The following NTM variants were observed in gnomAD, a reference collection of about 807,000 sequenced individuals.
The protein encoded by NTM is neurotrimin, also known as IgLON family member 2.
In NTM, 13 loss-of-function variants were observed where a neutral mutation model predicts 42.1. That is an observed-to-expected ratio of 0.31 (90% confidence interval 0.20 to 0.49). The LOEUF is 0.49. NTM is among the 20% of genes least tolerant of loss of function. NTM has a pLI of 0.99. For missense variants in NTM, 373 were observed against 452.8 expected (o/e 0.82, Z 1.60); for synonymous variants, 187 against 179.2 (o/e 1.04, Z -0.35).
intron 1 of NTM, among the ~76,000 whole-genome samples, chr11:131,433,873 G>A (rs1948891590): frequency 6.6e-6 from 1 of 152,168 alleles, no homozygotes; most frequent in Non-Finnish European, 1.5e-5. Context: ...AGGTATACAC[G>A]TGCCATGTTG....
At chr11:131,925,809 A>G (rs1405732992) in intron 2 of NTM, among the ~76,000 whole-genome samples, 1 of 152,188 alleles carries the variant, frequency 6.6e-6, no homozygotes, top group Non-Finnish European at 1.5e-5. Context: ...TAGGAGACGT[A>G]CAAGGAATGG....
chr11:131,703,658 G>T (rs1233189493), intron 1 of NTM, among the ~76,000 whole-genome samples: 1 of 152,280 alleles, frequency 6.6e-6, no homozygotes, highest in East Asian at 1.9e-4. Flanking sequence ...CAGATGAGAG[G>T]CCACAGCACC....
chr11:132,125,129 G>A (rs1425819155), intron 2 of NTM, among the ~76,000 whole-genome samples: 8 of 152,202 alleles, frequency 5.3e-5, no homozygotes, highest in Non-Finnish European at 8.8e-5. Flanking sequence ...CCCAGCAAAC[G>A]CAAACGGATG....
At chr11:131,915,152 G>T (rs1429462866) in intron 2 of NTM, among the ~76,000 whole-genome samples, 1 of 152,296 alleles carries the variant, frequency 6.6e-6, no homozygotes, top group East Asian at 1.9e-4. Context: ...CCCGGTTAAG[G>T]CCTAGAGAGG....
At chr11:132,311,646 C>G (rs2095284115) in intron 6 of NTM, among the ~76,000 whole-genome samples, 1 of 151,962 alleles carries the variant, frequency 6.6e-6, no homozygotes, top group South Asian at 2.1e-4. Context: ...TGAACCAAAC[C>G]AAACAAAAAA....
intron 1 of NTM, among the ~76,000 whole-genome samples, chr11:131,763,360 C>T (rs538166336): frequency 1.3e-5 from 2 of 152,296 alleles, no homozygotes; most frequent in East Asian, 1.9e-4. Context: ...ATTCTCTACC[C>T]TGGCAAGAAC....
chr11:132,312,123 C>T (rs1258658391), intron 6 of NTM, among the ~76,000 whole-genome samples: 3 of 152,164 alleles, frequency 2.0e-5, no homozygotes, highest in Non-Finnish European at 4.4e-5. Context: ...GCACCCAGCT[C>T]AGCTGCAGCA....
intron 1 of NTM, among the ~76,000 whole-genome samples, chr11:131,599,912 G>T (rs781236640): frequency 6.6e-6 from 1 of 152,180 alleles, no homozygotes; most frequent in African/African-American, 2.4e-5. Context: ...TAGACCCTGC[G>T]GGTGACTCCC....
intron 2 of NTM, among the ~76,000 whole-genome samples, chr11:132,133,656 A>G (rs2067225813): frequency 1.3e-5 from 2 of 152,250 alleles, no homozygotes; most frequent in Middle Eastern, 3.4e-3. Flanking sequence ...CCAGCACCTT[A>G]AGAGCATGTC....
intron 2 of NTM, among the ~76,000 whole-genome samples, chr11:131,919,143 C>T (rs1472583279): frequency 3.5e-5 from 5 of 143,990 alleles, no homozygotes; most frequent in African/African-American, 1.3e-4. Flanking sequence ...TAGTAATAGG[C>T]ATCTCTCCTG....
chr11:131,795,242 T>G (rs2091428174), intron 1 of NTM: 1 of 422,722 alleles, frequency 2.4e-6, no homozygotes, highest in Admixed American at 6.4e-5. Context: ...CTCTTCTTCT[T>G]CATTTGAAAA....
At chr11:132,164,355 G>A (rs1462288893) in intron 3 of NTM, among the ~76,000 whole-genome samples, 1 of 152,116 alleles carries the variant, frequency 6.6e-6, no homozygotes, top group Non-Finnish European at 1.5e-5. Flanking sequence ...CTCAGCATAT[G>A]GTCATTGTTT....
rs568210738 is a variant in NTM, at chr11:132,271,628, G to T, written c.527-36061G>T. Among the ~76,000 whole-genome samples the T allele has an allele frequency of 5.9e-5, 9 of 151,978 alleles. No homozygotes were observed. In the South Asian group the frequency reaches 8.3e-4, roughly 14 times the overall value. ...TGTGATCTCATTGTGGTTATGATTT[G>T]CATTTTCCTGAGGGCTAATGATAGG... On this transcript the variant is annotated intron_variant, in intron 4 of 8. Transcript: ENST00000683400.
At chr11:131,695,370 C>G (rs1015878083) in intron 1 of NTM, among the ~76,000 whole-genome samples, 1 of 152,260 alleles carries the variant, frequency 6.6e-6, no homozygotes, top group East Asian at 1.9e-4. Context: ...GAAAGGTTTC[C>G]TGAACGAATG....
intron 1 of NTM, among the ~76,000 whole-genome samples, chr11:131,702,482 G>A (rs2076175043): frequency 6.6e-6 from 1 of 152,146 alleles, no homozygotes; most frequent in Non-Finnish European, 1.5e-5. Context: ...CACACAACGA[G>A]CAGGTGGTGG....
chr11:131,562,900 T>C (rs1323778458), intron 1 of NTM, among the ~76,000 whole-genome samples: 3 of 152,224 alleles, frequency 2.0e-5, no homozygotes, highest in Non-Finnish European at 4.4e-5. Context: ...CCATGCTTAG[T>C]GGACTGGAAT....
chr11:131,982,105 C>T (rs898389670), intron 2 of NTM, among the ~76,000 whole-genome samples: 13 of 152,018 alleles, frequency 8.6e-5, no homozygotes, highest in East Asian at 1.9e-4. Context: ...AAAAAGAAAC[C>T]GTGCAGTTTG....
chr11:131,861,309 A>G (rs1219001282), intron 1 of NTM, among the ~76,000 whole-genome samples: 1 of 152,168 alleles, frequency 6.6e-6, no homozygotes, highest in Non-Finnish European at 1.5e-5. Flanking sequence ...GTATAATTGC[A>G]CAATTTCAAG....
At chr11:131,952,780 G>A (rs2061156176) in intron 2 of NTM, among the ~76,000 whole-genome samples, 1 of 152,274 alleles carries the variant, frequency 6.6e-6, no homozygotes, top group South Asian at 2.1e-4. Context: ...CAATGGTTAT[G>A]CTTTATAAAT....
Sources: allele counts gnomAD v4.1 joint callset (sites outside exome capture counted in the v4.1 genomes callset), GRCh38; gene constraint gnomAD v4.1.1; transcripts MANE v1.5; gene names NCBI Gene and HGNC (gene_info 2026-07-23, HGNC 2026-07-21).